The following NDRG3 variants were observed in gnomAD, a reference collection of about 807,000 sequenced individuals.
The protein encoded by NDRG3 is protein NDRG3.
NDRG3 carries 23 observed loss-of-function variants against 57.2 expected under a neutral mutation model. That is an observed-to-expected ratio of 0.40 (90% confidence interval 0.29 to 0.57). The LOEUF (loss-of-function observed/expected upper bound fraction) is 0.57, where lower values mean the gene tolerates loss of function less well. Among genes scored for constraint, NDRG3 ranks in the 20% least tolerant of loss-of-function variants. The pLI is 0.42. For missense variants in NDRG3, 384 were observed against 457.3 expected (o/e 0.84, Z 1.46); for synonymous variants, 132 against 162.6 (o/e 0.81, Z 1.43).
At chr20:36,705,604 T>G (rs1002496421) in intron 3 of NDRG3, among the ~76,000 whole-genome samples, 1 of 152,210 alleles carries the variant, frequency 6.6e-6, no homozygotes, top group African/African-American at 2.4e-5. Flanking sequence ...CCTCCTTTAC[T>G]GCTAGTACCC....
Position 36,703,551 on chromosome 20 carries a change from C to T in NDRG3, c.93+3421G>A, listed in dbSNP as rs944538450. On this transcript the variant is annotated intron_variant, in intron 3 of 15. Coordinates refer to ENST00000349004, the MANE Select transcript of NDRG3 (RefSeq NM_032013.4). ...CTCAAACTCCTGGGCTCAAGCAATC[C>T]GCTTGCCTCAGCCTCCCAAAGTGCT... 4.6e-5 allele frequency among the ~76,000 whole-genome samples: 7 copies of T among 151,862 alleles called. No individual in the cohort carries two copies. The South Asian group carries it at 8.3e-4, about 18-fold the overall frequency.
At chr20:36,727,507 A>G (rs889180115) in intron 1 of NDRG3, among the ~76,000 whole-genome samples, 1 of 150,682 alleles carries the variant, frequency 6.6e-6, no homozygotes, top group Non-Finnish European at 1.5e-5. Flanking sequence ...AGCATGAGCC[A>G]CCGCACCCAG....
intron 3 of NDRG3, among the ~76,000 whole-genome samples, chr20:36,697,948 G>GT (rs754191391): frequency 8.3e-5 from 12 of 144,410 alleles, no homozygotes; most frequent in African/African-American, 2.3e-4. Context: ...TAATTTGCGA[G>GT]TTTTTTTCTT....
intron 1 of NDRG3, among the ~76,000 whole-genome samples, chr20:36,726,573 G>A (rs1468015149): frequency 6.6e-6 from 1 of 152,128 alleles, no homozygotes; most frequent in African/African-American, 2.4e-5. Flanking sequence ...CTGCACAGAC[G>A]GGCTCCCTCC....
rs990125282 is a variant in NDRG3 at position 36,730,474 on chromosome 20, C to T, written c.-48-8691G>A. Among the ~76,000 whole-genome samples, 86 of 151,654 alleles carry T rather than the reference C, an allele frequency of 5.7e-4. 3 individuals carry two copies. Among genetic ancestry groups the T allele is most frequent in the African/African-American group, 4.8e-5 (2 of 41,308 alleles). On this transcript the variant is annotated intron_variant, in intron 1 of 15. Coordinates refer to ENST00000349004, the MANE Select transcript of NDRG3 (RefSeq NM_032013.4). Reference sequence around the variant, plus strand: ...TTACTATGTTGCCCAGGCTAAGATGCGATTTTTTAAAGACTCAGCAGGTCC... The same window carrying T: ...TTACTATGTTGCCCAGGCTAAGATGTGATTTTTTAAAGACTCAGCAGGTCC...
At chr20:36,704,028 T>C (rs1983403445) in intron 3 of NDRG3, among the ~76,000 whole-genome samples, 1 of 152,162 alleles carries the variant, frequency 6.6e-6, no homozygotes. Context: ...TGTTTTCTCA[T>C]TTATTTTGCA....
At position 36,733,163 on chromosome 20, in the gene NDRG3, AAAAAAAAAATATATATATATATATAT is replaced by A. The variant is rs1244786150; in HGVS notation, c.-48-11406_-48-11381del. 2.2e-3 allele frequency among the ~76,000 whole-genome samples: 100 copies of A among 45,516 alleles called. 5 individuals carry two copies. Among genetic ancestry groups the A allele is most frequent in the African/African-American group, 8.4e-3 (72 of 8,610 alleles). 29.9% of individuals were successfully genotyped at this position (45,516 alleles called of 152,430 possible). A position where few individuals can be genotyped will look rare whatever the true frequency, so the allele number is the denominator to read the frequency against. ...TCCTGTCTCAAAAAAAAAAAAAAAA[AAAAAAAAAATATATATATATATATAT>A]ATATATATATATATGCACATATAAA... is the stretch of plus-strand genomic sequence containing the variant. On this transcript the variant is annotated intron_variant, in intron 1 of 15. Coordinates refer to ENST00000349004, the MANE Select transcript of NDRG3 (RefSeq NM_032013.4).
intron 3 of NDRG3, chr20:36,700,468 C>A: frequency 1.9e-6 from 1 of 532,126 alleles, no homozygotes; most frequent in Non-Finnish European, 3.9e-6. Context: ...TTTTTCGTGA[C>A]CTTGTGAATG....
At chr20:36,688,858 G>T in intron 3 of NDRG3, 74 bp from the exon 4 acceptor site, 2 of 1,025,338 alleles carry the variant, frequency 2.0e-6, no homozygotes, top group Non-Finnish European at 1.5e-6. Context: ...CACAATACCT[G>T]CTTTACCACC....
At chr20:36,707,935 T>A (rs990934550) in intron 2 of NDRG3, among the ~76,000 whole-genome samples, 2 of 151,724 alleles carry the variant, frequency 1.3e-5, no homozygotes, top group African/African-American at 4.8e-5. Context: ...AATACAAAAA[T>A]TAGCCGGGTG....
chr20:36,655,745 G>A (rs1978595920), intron 15 of NDRG3, among the ~76,000 whole-genome samples: 1 of 152,152 alleles, frequency 6.6e-6, no homozygotes, highest in South Asian at 2.1e-4. Context: ...TCATGGCCCT[G>A]CAGCTGAATT....
chr20:36,736,186 C>CGG (rs1438169668), intron 1 of NDRG3, among the ~76,000 whole-genome samples: 13 of 152,088 alleles, frequency 8.5e-5, no homozygotes, highest in Admixed American at 8.5e-4. Flanking sequence ...ATGTTGTCCA[C>CGG]GTAGTTATCT....
intron 1 of NDRG3, among the ~76,000 whole-genome samples, chr20:36,741,084 G>A (rs1032539814): frequency 2.0e-5 from 3 of 152,094 alleles, no homozygotes; most frequent in African/African-American, 4.8e-5. Flanking sequence ...AGTACTTTTT[G>A]ATGCACCCCT....
At chr20:36,745,664 G>A (rs1185617638) in intron 1 of NDRG3, among the ~76,000 whole-genome samples, 1 of 152,230 alleles carries the variant, frequency 6.6e-6, no homozygotes, top group Non-Finnish European at 1.5e-5. Context: ...CTTGGAGCGG[G>A]CGAGGTAGAT....
At chr20:36,720,950 A>G (rs936383489) in intron 2 of NDRG3, among the ~76,000 whole-genome samples, 1 of 150,722 alleles carries the variant, frequency 6.6e-6, no homozygotes, top group Non-Finnish European at 1.5e-5. Context: ...TAATTTTTCT[A>G]TTTATAGTAG....
intron 3 of NDRG3, among the ~76,000 whole-genome samples, chr20:36,705,846 G>A (rs1156689200): frequency 3.3e-5 from 5 of 152,116 alleles, no homozygotes; most frequent in Admixed American, 6.6e-5. Flanking sequence ...CCAGGTTCAA[G>A]CAATTCTCCC....
chr20:36,733,717 T>A (rs1272397062), intron 1 of NDRG3, among the ~76,000 whole-genome samples: 11 of 147,712 alleles, frequency 7.4e-5, no homozygotes, highest in Non-Finnish European at 1.5e-4. Context: ...TAAAAAAAAA[T>A]AAAAAACACA....
chr20:36,666,443 T>TC (rs1979641992), intron 9 of NDRG3, 51 bp from the exon 10 acceptor site: 2 of 1,379,314 alleles, frequency 1.5e-6, no homozygotes, highest in Non-Finnish European at 1.0e-6. Context: ...CCAGAATAAG[T>TC]CCATCTTGTT....
chr20:36,714,606 GT>G (rs1158592590), intron 2 of NDRG3, among the ~76,000 whole-genome samples: 1 of 144,428 alleles, frequency 6.9e-6, no homozygotes, highest in Non-Finnish European at 1.5e-5. Context: ...GGCTAATTTT[GT>G]TTTTTTTTGT....
Sources: allele counts gnomAD v4.1 joint callset (sites outside exome capture counted in the v4.1 genomes callset), GRCh38; gene constraint gnomAD v4.1.1; transcripts MANE v1.5; gene names NCBI Gene and HGNC (gene_info 2026-07-23, HGNC 2026-07-21).